FRMPD1: variants seen among roughly 807,000 people sequenced by gnomAD.
FRMPD1 encodes FERM and PDZ domain containing 1, also known as FERM and PDZ domain-containing protein 1.
A neutral mutation model predicts 117.8 loss-of-function variants in FRMPD1; 76 were observed. That is an observed-to-expected ratio of 0.65 (90% CI 0.54 to 0.78). The LOEUF (loss-of-function observed/expected upper bound fraction) is 0.78. FRMPD1 is among the 30% of genes least tolerant of loss of function. FRMPD1 has a pLI of 0.00. For missense variants in FRMPD1, 1,786 were observed against 1,964.5 expected, an observed-to-expected ratio of 0.91 and a Z score of 1.72; for synonymous variants, 783 against 770.4, an observed-to-expected ratio of 1.02 and a Z score of -0.27.
intron 1 of FRMPD1, among the ~76,000 whole-genome samples, chr9:37,673,443 G>A (rs1821423061): frequency 6.6e-6 from 1 of 152,222 alleles, no homozygotes; most frequent in South Asian, 2.1e-4. Context: ...GGCTGGCGTT[G>A]AGTGTCTGCG....
chr9:37,706,729 G>A (rs181109667), intron 2 of FRMPD1, among the ~76,000 whole-genome samples: 5 of 152,286 alleles, frequency 3.3e-5, no homozygotes, highest in Admixed American at 3.3e-4. Context: ...CAGTTACAAA[G>A]CTTAAAGGGA....
the FRMPD1 span, among the ~76,000 whole-genome samples, chr9:37,625,953 C>T: frequency 6.6e-6 from 1 of 152,252 alleles, no homozygotes; most frequent in East Asian, 1.9e-4. Context: ...CCGGGAGCGG[C>T]GGCTCACGCC....
intron 1 of FRMPD1, among the ~76,000 whole-genome samples, chr9:37,691,939 C>G (rs1182558285): frequency 1.3e-5 from 2 of 151,854 alleles, no homozygotes; most frequent in Non-Finnish European, 2.9e-5. Context: ...AAAAGAAACT[C>G]TGGAAGGACA....
At chr9:37,604,313 T>C in the FRMPD1 span, among the ~76,000 whole-genome samples, 1 of 152,228 alleles carries the variant, frequency 6.6e-6, no homozygotes, top group South Asian at 2.1e-4. Flanking sequence ...AGTAAATATA[T>C]TGTAACCAAT....
At chr9:37,655,936 A>T (rs556749317) in intron 1 of FRMPD1, among the ~76,000 whole-genome samples, 2 of 152,168 alleles carry the variant, frequency 1.3e-5, no homozygotes, top group East Asian at 3.9e-4. Flanking sequence ...TACCACCCTT[A>T]GGAAGCTGTC....
chr9:37,689,971 T>G (rs1822076025), intron 1 of FRMPD1, among the ~76,000 whole-genome samples: 1 of 152,292 alleles, frequency 6.6e-6, no homozygotes, highest in Non-Finnish European at 1.5e-5. Context: ...AATTTTACAA[T>G]GTTGTTACTT....
In FRMPD1 at chr9:37,746,093, A is replaced by T; in HGVS notation, c.4061A>T (p.Glu1354Val). Residue 1354 changes from glutamate to valine, a missense_variant, in exon 16 of 16, where the codon GAA (glutamate) becomes GTA (valine). Coordinates refer to ENST00000377765, the MANE Select transcript of FRMPD1 (RefSeq NM_014907.3). ...GGCCCGCAGCCTGAGACAGAGGAAGAAGACAGGGACTTGGAAGCACACCCC... is the reference window on the plus strand; with the variant it reads ...GGCCCGCAGCCTGAGACAGAGGAAGTAGACAGGGACTTGGAAGCACACCCC... ...FRGPQPETEE[E>V]DRDLEAHPMA... The T allele has an allele frequency of 6.2e-7, 1 of 1,614,206 alleles. No homozygotes were observed. Among genetic ancestry groups the T allele is most frequent in the Non-Finnish European group, 8.5e-7 (1 of 1,180,036 alleles).
At chr9:37,676,111 A>T (rs561069943) in intron 1 of FRMPD1, among the ~76,000 whole-genome samples, 1 of 152,220 alleles carries the variant, frequency 6.6e-6, no homozygotes, top group Admixed American at 6.5e-5. Context: ...CATCACTTTT[A>T]CAGTTGTACC....
Position 37,730,903 on chromosome 9 carries a change from G to A in FRMPD1, c.739-81G>A, listed in dbSNP as rs559154503. The A allele has an allele frequency of 9.1e-6, 13 of 1,420,920 alleles. No individual in the cohort carries two copies. The East Asian group carries it at 3.0e-4, about 33-fold the overall frequency. 88.0% of individuals were successfully genotyped at this position (1,420,920 alleles called of 1,614,324 possible). A position where few individuals can be genotyped will look rare whatever the true frequency, so the allele number is the denominator to read the frequency against. On this transcript the variant is annotated intron_variant, in intron 8 of 15. Coordinates refer to ENST00000377765, the MANE Select transcript of FRMPD1 (RefSeq NM_014907.3). ...CTGGGAACTGTCTTTCACTGTCTGT[G>A]TTTTATAGAGTGGTTTTGTGGAATG...
At chr9:37,704,599 A>G (rs1368720801) in intron 2 of FRMPD1, among the ~76,000 whole-genome samples, 1 of 151,976 alleles carries the variant, frequency 6.6e-6, no homozygotes, top group Non-Finnish European at 1.5e-5. Context: ...TAGTCTTTTC[A>G]CCTATAAAAC....
intron 2 of FRMPD1, among the ~76,000 whole-genome samples, chr9:37,702,780 A>G (rs1822580006): frequency 6.6e-6 from 1 of 152,212 alleles, no homozygotes; most frequent in Non-Finnish European, 1.5e-5. Flanking sequence ...AGGGTAAACC[A>G]TAGCTTACAC....
At chr9:37,692,233 C>T (rs780453063) in intron 1 of FRMPD1, among the ~76,000 whole-genome samples, 1 of 152,190 alleles carries the variant, frequency 6.6e-6, no homozygotes, top group Non-Finnish European at 1.5e-5. Context: ...AAGAATGCTT[C>T]CATGTCCATG....
the FRMPD1 span, chr9:37,637,291 C>T: frequency 6.6e-7 from 1 of 1,513,942 alleles, no homozygotes; most frequent in South Asian, 1.1e-5. Flanking sequence ...ATCCGGGGTT[C>T]ATGGCGGCGG....
chr9:37,735,538 T>C lies in FRMPD1; in HGVS notation c.1219-14T>C, dbSNP rs1824079212. On this transcript the variant is annotated splice_polypyrimidine_tract_variant and intron_variant, in intron 12 of 15. Coordinates refer to ENST00000377765, the MANE Select transcript of FRMPD1 (RefSeq NM_014907.3). ...CTTGCGAATGGAGACTAATTCCCCT[T>C]CCACCCTCTGCAGTTACAGGATAGA... 2 of 1,601,788 alleles carry C rather than the reference T, an allele frequency of 1.2e-6. No homozygotes were observed. The highest frequency in any genetic ancestry group is 3.3e-5 in the Admixed American group (2 of 59,826).
At chr9:37,744,083 G>T (rs536994527) in intron 15 of FRMPD1, among the ~76,000 whole-genome samples, 2 of 151,892 alleles carry the variant, frequency 1.3e-5, no homozygotes, top group Non-Finnish European at 2.9e-5. Context: ...CAGCTACTCC[G>T]GGGGGATGAG....
the FRMPD1 span, among the ~76,000 whole-genome samples, chr9:37,638,904 A>T: frequency 6.6e-6 from 1 of 152,202 alleles, no homozygotes; most frequent in Non-Finnish European, 1.5e-5. Context: ...ACTTCCTGCT[A>T]TGAAATCCCT....
At chr9:37,620,140 A>C in the FRMPD1 span, among the ~76,000 whole-genome samples, 1 of 152,326 alleles carries the variant, frequency 6.6e-6, no homozygotes, top group African/African-American at 2.4e-5. Context: ...TCTTAAAAAC[A>C]CAAAAACCAA....
chr9:37,666,112 C>T (rs1235813162), intron 1 of FRMPD1, among the ~76,000 whole-genome samples: 2 of 152,076 alleles, frequency 1.3e-5, no homozygotes, highest in Non-Finnish European at 2.9e-5. Context: ...CCCTGGTCTC[C>T]GTGTGGGGCA....
intron 2 of FRMPD1, among the ~76,000 whole-genome samples, chr9:37,704,076 T>G (rs1822618749): frequency 6.6e-6 from 1 of 152,226 alleles, no homozygotes. Flanking sequence ...TTAAGAAACT[T>G]CCAGACACTT....
Sources: allele counts gnomAD v4.1 joint callset (sites outside exome capture counted in the v4.1 genomes callset), GRCh38; gene constraint gnomAD v4.1.1; transcripts MANE v1.5; gene names NCBI Gene and HGNC (gene_info 2026-07-23, HGNC 2026-07-21).